Variants in SLC35F2 observed in about 807,000 individuals in gnomAD.
SLC35F2 encodes solute carrier family 35 member F2, also known as queuine/queuosine transporter SLC35F2.
Under a neutral mutation model 38.1 loss-of-function variants are expected in SLC35F2, and 25 were observed. The ratio of observed to expected loss-of-function variants is 0.66; its 90% CI spans 0.48 to 0.92. The LOEUF is 0.92. Among genes scored for constraint, SLC35F2 ranks in the 40% least tolerant of loss-of-function variants. SLC35F2 has a pLI of 0.00. For missense variants in SLC35F2, 409 were observed against 452.9 expected, an observed-to-expected ratio of 0.90 and a Z score of 0.88; for synonymous variants, 173 against 181.7, an observed-to-expected ratio of 0.95 and a Z score of 0.38.
chr11:107,825,328 T>C (rs1233491027), intron 1 of SLC35F2, among the ~76,000 whole-genome samples: 2 of 152,006 alleles, frequency 1.3e-5, no homozygotes, highest in African/African-American at 4.8e-5. Flanking sequence ...ATTCAGTAGG[T>C]TTGGAGAGAG....
intron 1 of SLC35F2, among the ~76,000 whole-genome samples, chr11:107,839,477 A>C (rs1337392988): frequency 6.6e-6 from 1 of 152,108 alleles, no homozygotes; most frequent in Non-Finnish European, 1.5e-5. Flanking sequence ...AGAAAAAGAA[A>C]ACATATTACC....
At chr11:107,846,853 C>T (rs1354127970) in intron 1 of SLC35F2, among the ~76,000 whole-genome samples, 2 of 150,832 alleles carry the variant, frequency 1.3e-5, no homozygotes, top group Non-Finnish European at 2.9e-5. Flanking sequence ...TCGCTTGAAC[C>T]CGGGAGGCGG....
intron 1 of SLC35F2, among the ~76,000 whole-genome samples, chr11:107,852,963 G>A (rs954056795): frequency 4.0e-5 from 6 of 151,678 alleles, no homozygotes; most frequent in Non-Finnish European, 7.4e-5. Context: ...AGACTCGCTT[G>A]AACTCAGGAG....
intron 1 of SLC35F2, 124 bp downstream of exon 1, chr11:107,858,534 G>T: frequency 1.1e-6 from 1 of 891,818 alleles, no homozygotes; most frequent in Non-Finnish European, 1.5e-6. Flanking sequence ...ACCGAAGTCC[G>T]TGCGGCCGCC....
chr11:107,825,008 T>G (rs889771150), intron 1 of SLC35F2, among the ~76,000 whole-genome samples: 9 of 152,142 alleles, frequency 5.9e-5, no homozygotes, highest in Non-Finnish European at 1.2e-4. Context: ...CGTTTCAACT[T>G]AAATAAAATA....
intron 4 of SLC35F2, 187 bp from the exon 5 acceptor site, chr11:107,805,702 C>T (rs1418877054): frequency 8.2e-6 from 8 of 979,800 alleles, no homozygotes; most frequent in African/African-American, 1.8e-5. Context: ...GTGTTTGAGA[C>T]AGTCTTGCTC....
intron 1 of SLC35F2, among the ~76,000 whole-genome samples, chr11:107,836,594 C>T (rs1383282909): frequency 6.6e-6 from 1 of 152,188 alleles, no homozygotes; most frequent in Non-Finnish European, 1.5e-5. Flanking sequence ...CAGAGAGATG[C>T]AACGTTGCTA....
chr11:107,811,602 C>T, intron 3 of SLC35F2, 65 bp downstream of exon 3: 13 of 1,464,160 alleles, frequency 8.9e-6, no homozygotes, highest in Non-Finnish European at 1.2e-5. Context: ...TAGGTCAACA[C>T]ATATGACTTC....
rs772106285 is a variant in SLC35F2, at chr11:107,811,652, A to G, written c.414+15T>C. 1 of 1,598,206 alleles carries G rather than the reference A, an allele frequency of 6.3e-7. No homozygotes were observed. The highest frequency in any genetic ancestry group is 1.1e-5 in the South Asian group (1 of 88,582). The stretch of plus-strand genomic sequence containing the variant: ...AAGCTATAAAATCCAAAGTGGTCAG[A>G]GGGCTCCCTCTTACCTGGACACTGG... On this transcript the variant is annotated intron_variant, in intron 3 of 7. Coordinates refer to ENST00000525815, the MANE Select transcript of SLC35F2 (RefSeq NM_017515.5).
intron 1 of SLC35F2, among the ~76,000 whole-genome samples, chr11:107,853,071 T>C (rs1860214345): frequency 6.6e-6 from 1 of 151,978 alleles, no homozygotes; most frequent in Admixed American, 6.6e-5. Flanking sequence ...CTCCAGCCCA[T>C]GCCCCCTTCA....
chr11:107,815,990 A>G, intron 1 of SLC35F2, 25 bp from the exon 2 acceptor site: 1 of 1,599,994 alleles, frequency 6.3e-7, no homozygotes, highest in Non-Finnish European at 8.5e-7. Flanking sequence ...AAGAAATCAG[A>G]ACAGCATGCA....
At chr11:107,803,618 T>C in intron 6 of SLC35F2, 1 of 490,858 alleles carries the variant, frequency 2.0e-6, no homozygotes, top group South Asian at 8.7e-5. Context: ...TCAAAGACAG[T>C]TATTAGGTCC....
intron 1 of SLC35F2, among the ~76,000 whole-genome samples, chr11:107,827,091 G>C (rs1859764248): frequency 6.6e-6 from 1 of 152,056 alleles, no homozygotes; most frequent in South Asian, 2.1e-4. Context: ...ATAGAAAAAA[G>C]ATGAAGATGT....
rs1441500555 is a variant in SLC35F2, at chr11:107,805,886, T to A, written c.575-371A>T. On this transcript the variant is annotated intron_variant, in intron 4 of 7. Coordinates refer to ENST00000525815, the MANE Select transcript of SLC35F2 (RefSeq NM_017515.5). ...GTCTTGAACTCCTGACCTCAAGTGA[T>A]CCGCTCACCTTGGCCTCCCAAAGTA... 2.6e-5 allele frequency among the ~76,000 whole-genome samples: 4 copies of A among 152,324 alleles called. No individual in the cohort carries two copies. The East Asian group carries it at 7.7e-4, about 29-fold the overall frequency.
At chr11:107,838,783 C>T (rs1307679024) in intron 1 of SLC35F2, among the ~76,000 whole-genome samples, 1 of 151,836 alleles carries the variant, frequency 6.6e-6, no homozygotes, top group African/African-American at 2.4e-5. Flanking sequence ...CGTGCACCTC[C>T]ATGCCTGGCT....
chr11:107,792,818 G>C lies in SLC35F2; in HGVS notation c.940-18C>G. The C allele has an allele frequency of 6.5e-7, 1 of 1,542,068 alleles. No individual in the cohort carries two copies. The highest frequency in any genetic ancestry group is 8.8e-7 in the Non-Finnish European group (1 of 1,140,382). ...CCTGAAAACTAGAAGGGAAGAACAG[G>C]CAGTGAATTGTGCCCCTCACATACA... On this transcript the variant is annotated intron_variant, in intron 7 of 7. Coordinates refer to ENST00000525815, the MANE Select transcript of SLC35F2 (RefSeq NM_017515.5).
chr11:107,821,957 G>T (rs1333303097), intron 1 of SLC35F2, among the ~76,000 whole-genome samples: 1 of 152,180 alleles, frequency 6.6e-6, no homozygotes, highest in Non-Finnish European at 1.5e-5. Flanking sequence ...AAGGCATGAG[G>T]CCAGGCACAG....
chr11:107,835,013 T>C (rs1859908245), intron 1 of SLC35F2, among the ~76,000 whole-genome samples: 1 of 152,054 alleles, frequency 6.6e-6, no homozygotes, highest in South Asian at 2.1e-4. Context: ...CCATAGCCAA[T>C]AAGATAAAAG....
intron 6 of SLC35F2, among the ~76,000 whole-genome samples, chr11:107,803,918 C>A (rs536818202): frequency 8.5e-5 from 13 of 152,058 alleles, no homozygotes; most frequent in Non-Finnish European, 1.6e-4. Flanking sequence ...CTCCGCCTCC[C>A]AGGTTCAAGT....
Sources: allele counts gnomAD v4.1 joint callset (sites outside exome capture counted in the v4.1 genomes callset), GRCh38; gene constraint gnomAD v4.1.1; transcripts MANE v1.5; gene names NCBI Gene and HGNC (gene_info 2026-07-23, HGNC 2026-07-21).